The following APOB variants were observed in gnomAD, a reference collection of about 807,000 sequenced individuals.
APOB encodes apolipoprotein B-100.
Under a neutral mutation model 314.1 loss-of-function variants are expected in APOB, and 153 were observed. That is an observed-to-expected ratio of 0.49 (90% CI 0.43 to 0.56). APOB has a LOEUF of 0.56. Ranked by LOEUF, APOB falls within the 20% of genes least tolerant of loss-of-function variation. The pLI, the probability that APOB is intolerant of heterozygous loss-of-function variation, is 0.00. For synonymous variants in APOB, 2,087 were observed against 2,036.4 expected (o/e 1.02, Z -0.67); for missense variants, 5,430 against 5,350.7 (o/e 1.01, Z -0.46).
intron 16 of APOB, 76 bp from the exon 17 acceptor site, chr2:21,023,768 C>T (rs1370440445): frequency 2.4e-6 from 3 of 1,231,016 alleles, no homozygotes; most frequent in Admixed American, 2.3e-5. Context: ...ACCTCCCATA[C>T]ATTGGAGAGT....
intron 18 of APOB, 65 bp downstream of exon 18, chr2:21,022,766 T>A: frequency 1.3e-6 from 2 of 1,520,592 alleles, no homozygotes; most frequent in Non-Finnish European, 1.8e-6. Context: ...CCTGGCAAAA[T>A]TCTGCAGGTA....
In APOB at chr2:21,033,302, G is replaced by A; in HGVS notation, c.1121C>T (p.Ser374Phe). ...TTGAGCTGTAACCATTAGATACCTG[G>A]ACACCTCAATCAGCTGTGGCAAGAG... is the stretch of plus-strand genomic sequence containing the variant. ...TSLLPQLIEV[S>F]SPITLQALVQ... Residue 374 changes from serine to phenylalanine, a missense_variant, in exon 9 of 29, where the codon TCC (serine) becomes TTC (phenylalanine). Coordinates refer to ENST00000233242, the MANE Select transcript of APOB (RefSeq NM_000384.3). 2.5e-6 allele frequency: 4 copies of A among 1,611,850 alleles called. No individual in the cohort carries two copies. Among genetic ancestry groups the A allele is most frequent in the Non-Finnish European group, 3.4e-6 (4 of 1,177,946 alleles).
intron 28 of APOB, 108 bp downstream of exon 28, chr2:21,004,161 C>T: frequency 1.6e-6 from 2 of 1,220,414 alleles, no homozygotes; most frequent in East Asian, 2.4e-5. Flanking sequence ...TACCGCCTGT[C>T]TTTCACCTAG....
In APOB at chr2:21,011,178, C is replaced by T. The variant is rs199510126; in HGVS notation, c.5690G>A (p.Arg1897His). 7.9e-5 allele frequency: 127 copies of T among 1,614,142 alleles called. No individual in the cohort carries two copies. In the South Asian group the frequency reaches 8.3e-4, roughly 11 times the overall value. The change falls in exon 26 of 29, where the codon CGT (arginine) becomes CAT (histidine). Residue 1897 changes from arginine (R) to histidine (H), a missense_variant. By Grantham distance (29) the Arg-to-His change is conservative. This residue lies in a region of APOB where 3,281 missense variants were observed against 3,171.0 expected (regional missense o/e 1.03). Coordinates refer to ENST00000233242, the MANE Select transcript of APOB (RefSeq NM_000384.3). The part of the protein sequence containing the change: ...SDSLHFSNVF[R>H]SVMAPFTMTI... Reference sequence around the variant, plus strand: ...CATGGTAAACGGGGCCATTACAGAACGGAAGACATTGCTGAAATGCAGTGA... The same window carrying T: ...CATGGTAAACGGGGCCATTACAGAATGGAAGACATTGCTGAAATGCAGTGA...
At chr2:21,040,524 G>A (rs541642245) in intron 4 of APOB, among the ~76,000 whole-genome samples, 11 of 152,284 alleles carry the variant, frequency 7.2e-5, no homozygotes, top group South Asian at 2.1e-4. Context: ...GGGAGCCACC[G>A]AAGCCTTGGT....
At chr2:21,041,188 G>GTTCC in intron 3 of APOB, 105 bp from the exon 4 acceptor site, 1 of 1,223,980 alleles carries the variant, frequency 8.2e-7, no homozygotes, top group Non-Finnish European at 1.2e-6. Flanking sequence ...AGGGAATGGT[G>GTTCC]CTGGGAACAC....
rs1407190261 is a variant in APOB at position 21,041,115 on chromosome 2, T to C, written c.238-32A>G. The C allele has an allele frequency of 4.4e-6, 7 of 1,604,724 alleles. No homozygotes were observed. The African/African-American group carries it at 8.0e-5, about 18-fold the overall frequency. Reference sequence around the variant, plus strand: ...ATTCAGGGTAGCAGAGCATTGAGGTTGTCTATCAAGAATGAGAGGTGGCCC... The same window carrying C: ...ATTCAGGGTAGCAGAGCATTGAGGTCGTCTATCAAGAATGAGAGGTGGCCC... On this transcript the variant is annotated intron_variant, in intron 3 of 28. Transcript: ENST00000233242.
chr2:21,014,657 T>C, intron 23 of APOB, 64 bp from the exon 24 acceptor site: 1 of 1,566,414 alleles, frequency 6.4e-7, no homozygotes, highest in Non-Finnish European at 8.8e-7. Flanking sequence ...GCAATGAACA[T>C]TAGGCAAAAA....
intron 3 of APOB, 22 bp from the exon 4 acceptor site, chr2:21,041,105 G>A: frequency 6.2e-7 from 1 of 1,607,816 alleles, no homozygotes; most frequent in Non-Finnish European, 8.5e-7. Flanking sequence ...GGGTAGCAGA[G>A]CATTGAGGTT....
In APOB at chr2:21,032,410, C is replaced by T. The variant is rs144547776; in HGVS notation, c.1296G>A (p.Met432Ile). 13 of 1,614,058 alleles carry T rather than the reference C, an allele frequency of 8.1e-6. No homozygotes were observed. In the African/African-American group the frequency reaches 1.5e-4, roughly 18 times the overall value. The change falls in exon 10 of 29, where the codon ATG becomes ATA. Residue 432 changes from methionine to isoleucine, a missense_variant. By Grantham distance (10) the Met-to-Ile change is conservative. Around this residue, in one of 3 missense-constraint regions of APOB, gnomAD observed 2,085 missense variants for 2,079.7 expected, o/e 1.00. Coordinates refer to ENST00000233242, the MANE Select transcript of APOB (RefSeq NM_000384.3). ...SAQQLREIFN[M>I]ARDQRSRATL... ...TGGCTCGGCTGCGCTGATCCCTCGCCATGTTGAAGATCTCTCGCAGCTGCT... is the reference window on the plus strand; with the variant it reads ...TGGCTCGGCTGCGCTGATCCCTCGCTATGTTGAAGATCTCTCGCAGCTGCT...
chr2:21,001,981 C>T lies in APOB; in HGVS notation c.13441G>A (p.Ala4481Thr), dbSNP rs1801695. Residue 4481 changes from alanine (A) to threonine (T), a missense_variant, in exon 29 of 29, where the codon GCC (alanine) becomes ACC (threonine). Ala to Thr is a moderately conservative substitution (Grantham distance 58, BLOSUM62 0). This residue lies in a region of APOB where 3,281 missense variants were observed against 3,171.0 expected (regional missense o/e 1.03). Transcript: ENST00000233242. Reference protein sequence around the residue: ...ATAQEIIKSQAIATKKIISDY... With the variant: ...ATAQEIIKSQTIATKKIISDY... The stretch of plus-strand genomic sequence containing the variant: ...GAAATTATTTTCTTCGTCGCAATGG[C>T]CTGGCTTTTAATTATTTCCTGAGCA... 0.031 allele frequency: 50,313 copies of T among 1,613,902 alleles called. 969 individuals carry two copies. Among genetic ancestry groups the T allele is most frequent in the Middle Eastern group, 0.061 (371 of 6,062 alleles).
Position 21,007,415 on chromosome 2 carries a change from AG to A in APOB, c.9452del (p.Ser3151PhefsTer8). 1.2e-6 allele frequency: 2 copies of A among 1,613,946 alleles called. No individual in the cohort carries two copies. Among genetic ancestry groups the A allele is most frequent in the Non-Finnish European group, 1.7e-6 (2 of 1,179,926 alleles). On this transcript the variant is annotated frameshift_variant, in exon 26 of 29. Transcript: ENST00000233242. LOFTEE classifies it high-confidence loss of function. ...CCTTCAAGCCTGTTTTTTCCCATAG[AG>A]AGAAATCTTTCAGTGGAGGAGTTGT... ...IITTPPLKDFSLWEKTGLKEF... is the reference protein window; with the variant it reads ...IITTPPLKDFXLWEKTGLKEF...
Position 21,013,299 on chromosome 2 carries a change from G to A in APOB, c.4077C>T (p.Ser1359=). 1 of 1,614,182 alleles carries A rather than the reference G, an allele frequency of 6.2e-7. No individual in the cohort carries two copies. Among genetic ancestry groups the A allele is most frequent in the Non-Finnish European group, 8.5e-7 (1 of 1,180,040 alleles). The change falls in exon 25 of 29, where the codon TCC becomes TCT. Residue 1359 remains serine, a synonymous_variant. Transcript: ENST00000233242. ...QVPLLGVLDL[S]TNVYSNLYNW... ...TGTACAAGTTGCTGTAGACATTCGTGGAGAGGTCTAGAACACCCAGGAGAG... is the reference window on the plus strand; with the variant it reads ...TGTACAAGTTGCTGTAGACATTCGTAGAGAGGTCTAGAACACCCAGGAGAG...
Position 21,006,537 on chromosome 2 carries a change from A to T in APOB, c.10331T>A (p.Leu3444His), listed in dbSNP as rs1663143742. ...PILRMNFKQE[L>H]NGNTKSKPTV... is the part of the protein sequence containing the mutation. ...AGGTTTTGACTTGGTATTTCCATTA[A>T]GTTCTTGCTTGAAATTCATTCTCAA... The change falls in exon 26 of 29, where the codon CTT (leucine) becomes CAT (histidine). Residue 3444 changes from leucine (L) to histidine (H), a missense_variant. Coordinates refer to ENST00000233242, the MANE Select transcript of APOB (RefSeq NM_000384.3). 1 of 1,614,074 alleles carries T rather than the reference A, an allele frequency of 6.2e-7. No individual in the cohort carries two copies. The highest frequency in any genetic ancestry group is 2.2e-5 in the East Asian group (1 of 44,878).
In APOB at chr2:21,002,753, C is replaced by G; in HGVS notation, c.12669G>C (p.Glu4223Asp). Residue 4223 changes from glutamate to aspartate, a missense_variant, in exon 29 of 29, where the codon GAG becomes GAC. Physicochemically the swap from Glu to Asp is conservative, Grantham distance 45. This residue lies in a region of APOB where 3,281 missense variants were observed against 3,171.0 expected (regional missense o/e 1.03). Coordinates refer to ENST00000233242, the MANE Select transcript of APOB (RefSeq NM_000384.3). ...REELCTMFIR[E>D]VGTVLSQVYS... Reference sequence around the variant, plus strand: ...ATACCTGGGACAGTACCGTCCCTACCTCCCTTATGAACATAGTGCAAAGTT... The same window carrying G: ...ATACCTGGGACAGTACCGTCCCTACGTCCCTTATGAACATAGTGCAAAGTT... 6.2e-7 allele frequency: 1 copy of G among 1,609,760 alleles called. No individual in the cohort carries two copies. The highest frequency in any genetic ancestry group is 8.5e-7 in the Non-Finnish European group (1 of 1,177,426).
rs980729858 is a variant in APOB at position 21,028,075 on chromosome 2, A to G, written c.1830-10T>C. 6.4e-7 allele frequency: 1 copy of G among 1,569,654 alleles called. No homozygotes were observed. Among genetic ancestry groups the G allele is most frequent in the African/African-American group, 1.3e-5 (1 of 74,234 alleles). ...CACTAACTTTTTCAGACTAGATAAG[A>G]AGAAGTATATTTTGAGCTGACACAC... On this transcript the variant is annotated splice_polypyrimidine_tract_variant and intron_variant, in intron 13 of 28. Coordinates refer to ENST00000233242, the MANE Select transcript of APOB (RefSeq NM_000384.3).
Position 21,009,440 on chromosome 2 carries a change from T to C in APOB, c.7428A>G (p.Thr2476=). The change falls in exon 26 of 29, where the codon ACA becomes ACG. Residue 2476 remains threonine (T), a synonymous_variant. Coordinates refer to ENST00000233242, the MANE Select transcript of APOB (RefSeq NM_000384.3). ...LKLFLEETKA[T]VAVYLESLQD... is the part of the protein sequence containing the mutation. ...GTAGGCTTTCCAGATACACTGCAAC[T>C]GTGGCCTTGGTTTCCTCTAAAAACA... 6.2e-7 allele frequency: 1 copy of C among 1,614,116 alleles called. No individual in the cohort carries two copies. The highest frequency in any genetic ancestry group is 2.2e-5 in the East Asian group (1 of 44,872).
In APOB at chr2:21,003,477, T is replaced by C. The variant is rs1032968954; in HGVS notation, c.12088-143A>G. 1.6e-5 allele frequency: 12 copies of C among 765,882 alleles called. No homozygotes were observed. The African/African-American group carries it at 1.9e-4, about 12-fold the overall frequency. The allele number at this position is 765,882 out of a possible 1,614,324, so 47.4% of individuals were successfully genotyped here. ...AAGGGATTTATCTTTCATATGTCAG[T>C]TCATGTGTTTGTTTTATGGTTAAAT... On this transcript the variant is annotated intron_variant, in intron 28 of 28. Coordinates refer to ENST00000233242, the MANE Select transcript of APOB (RefSeq NM_000384.3).
Position 21,007,163 on chromosome 2 carries a change from AGCTTTG to A in APOB, c.9699_9704del (p.Lys3234_Ala3235del). ...TGGGGAGCTCGTCGTGAGATTTTTCAGCTTTGTACTTATCAAACTTAATTTTTGTTT... is the reference window on the plus strand; with the variant it reads ...TGGGGAGCTCGTCGTGAGATTTTTCATACTTATCAAACTTAATTTTTGTTT... On this transcript the variant is annotated inframe_deletion, in exon 26 of 29. Transcript: ENST00000233242. 1 of 1,613,972 alleles carries A rather than the reference AGCTTTG, an allele frequency of 6.2e-7. No homozygotes were observed.
Sources: allele counts gnomAD v4.1 joint callset (sites outside exome capture counted in the v4.1 genomes callset), GRCh38; gene constraint gnomAD v4.1.1; regional missense constraint gnomAD v4.1.1; transcripts MANE v1.5; gene names NCBI Gene and HGNC (gene_info 2026-07-23, HGNC 2026-07-21).